The following IGF2R variants were observed in gnomAD, a reference collection of about 807,000 sequenced individuals.
The protein encoded by IGF2R is cation-independent mannose-6-phosphate receptor.
IGF2R carries 91 observed loss-of-function variants against 270.6 expected under a neutral mutation model. The ratio of observed to expected loss-of-function variants is 0.34; its 90% CI spans 0.28 to 0.40. The LOEUF is 0.40. IGF2R is among the 10% of genes least tolerant of loss of function. IGF2R has a pLI of 1.00. For missense variants in IGF2R, 2,805 were observed against 3,188.3 expected (o/e 0.88, Z 2.90); for synonymous variants, 1,316 against 1,258.9 (o/e 1.05, Z -0.96).
chr6:159,991,038 A>C (rs961977111), intron 1 of IGF2R, 146 bp from the exon 2 acceptor site: 1 of 690,566 alleles, frequency 1.4e-6, no homozygotes, highest in South Asian at 2.0e-5. Context: ...AACTTAACAT[A>C]CTTGACTTTT....
chr6:160,036,624 C>A (rs1777832292), intron 10 of IGF2R, among the ~76,000 whole-genome samples: 1 of 152,024 alleles, frequency 6.6e-6, no homozygotes, highest in African/African-American at 2.4e-5. Flanking sequence ...GAATCATTAT[C>A]CAAAAAGATC....
Position 160,073,851 on chromosome 6 carries a change from A to T in IGF2R, c.5042A>T (p.Asp1681Val). The part of the protein sequence containing the change: ...GGYEAYDESE[D>V]DASDTNPDFY... ...TATGAGGCTTATGATGAGAGTGAGG[A>T]TGATGCCTCCGATACCAACCCTGAT... The change falls in exon 35 of 48, where the codon GAT becomes GTT. Residue 1681 changes from aspartate to valine, a missense_variant. Transcript: ENST00000356956. 6.2e-7 allele frequency: 1 copy of T among 1,613,956 alleles called. No homozygotes were observed. The highest frequency in any genetic ancestry group is 8.5e-7 in the Non-Finnish European group (1 of 1,179,848).
chr6:159,984,521 C>A (rs553602275), intron 1 of IGF2R, among the ~76,000 whole-genome samples: 1 of 152,196 alleles, frequency 6.6e-6, no homozygotes, highest in Non-Finnish European at 1.5e-5. Context: ...TATACCATAT[C>A]TTTGCTGCAC....
intron 23 of IGF2R, 109 bp from the exon 24 acceptor site, chr6:160,061,394 T>C: frequency 1.0e-6 from 1 of 963,698 alleles, no homozygotes; most frequent in African/African-American, 1.6e-5. Context: ...TCCTCACAGT[T>C]AGGAATGCCA....
intron 22 of IGF2R, 133 bp downstream of exon 22, chr6:160,059,231 A>T: frequency 1.5e-6 from 1 of 680,902 alleles, no homozygotes; most frequent in Non-Finnish European, 2.4e-6. Context: ...TTGCTGCAGG[A>T]GCCATCACGG....
chr6:160,001,234 T>C (rs995867847), intron 2 of IGF2R, among the ~76,000 whole-genome samples: 4 of 152,094 alleles, frequency 2.6e-5, no homozygotes, highest in Non-Finnish European at 5.9e-5. Context: ...GTTAGATAAG[T>C]GGCAGCAGTA....
intron 2 of IGF2R, among the ~76,000 whole-genome samples, chr6:159,996,701 G>T (rs1408673516): frequency 2.0e-5 from 3 of 152,186 alleles, no homozygotes; most frequent in African/African-American, 7.2e-5. Flanking sequence ...AGGCTGCAGT[G>T]TAGTGAGTGC....
chr6:160,048,677 G>T (rs2115249789), intron 18 of IGF2R, 134 bp downstream of exon 18: 5 of 803,376 alleles, frequency 6.2e-6, no homozygotes, highest in Non-Finnish European at 9.7e-6. Flanking sequence ...TAGGAGTGGG[G>T]CCTCCATGTG....
At chr6:160,032,801 T>C (rs766738370) in intron 8 of IGF2R, 88 bp downstream of exon 8, 102 of 1,460,832 alleles carry the variant, frequency 7.0e-5, no homozygotes, top group Non-Finnish European at 9.3e-5. Context: ...AGTCAGTCCA[T>C]GCATGCTTCT....
chr6:160,080,015 G>A (rs1778943124), intron 38 of IGF2R, 114 bp from the exon 39 acceptor site: 2 of 1,290,740 alleles, frequency 1.5e-6, no homozygotes, highest in South Asian at 1.4e-5. Context: ...AATGCCGGTT[G>A]TCACGTAGGT....
intron 32 of IGF2R, 55 bp from the exon 33 acceptor site, chr6:160,072,710 T>C: frequency 1.2e-6 from 2 of 1,610,962 alleles, no homozygotes; most frequent in South Asian, 1.1e-5. Flanking sequence ...ATGATGAGCC[T>C]CCCAAGTCTC....
intron 1 of IGF2R, among the ~76,000 whole-genome samples, chr6:159,979,915 G>A (rs988187733): frequency 5.9e-5 from 9 of 152,192 alleles, no homozygotes; most frequent in Non-Finnish European, 7.4e-5. Flanking sequence ...CACATGGGCC[G>A]GTGCTGTGGC....
chr6:159,985,338 C>T (rs573445328), intron 1 of IGF2R, among the ~76,000 whole-genome samples: 5 of 152,316 alleles, frequency 3.3e-5, no homozygotes, highest in Non-Finnish European at 5.9e-5. Flanking sequence ...GGCCTCACAC[C>T]GCCTAGGTTA....
At chr6:160,034,573 G>T (rs1777772087) in intron 10 of IGF2R, 51 bp downstream of exon 10, 1 of 1,186,588 alleles carries the variant, frequency 8.4e-7, no homozygotes. Context: ...ATGGGCATGT[G>T]CTTGTGTGTG....
chr6:159,972,612 A>C (rs768391449), intron 1 of IGF2R, among the ~76,000 whole-genome samples: 2 of 152,222 alleles, frequency 1.3e-5, no homozygotes, highest in East Asian at 1.9e-4. Context: ...CAAGAGGGAC[A>C]TGAGGGCCTG....
chr6:160,097,000 G>T (rs1779376172), intron 45 of IGF2R, among the ~76,000 whole-genome samples: 1 of 152,182 alleles, frequency 6.6e-6, no homozygotes, highest in Admixed American at 6.5e-5. Context: ...TGCCTCCTCT[G>T]TGTAATCCTG....
chr6:160,011,133 C>G (rs1273517803), intron 4 of IGF2R, among the ~76,000 whole-genome samples: 2 of 152,194 alleles, frequency 1.3e-5, no homozygotes, highest in South Asian at 4.1e-4. Flanking sequence ...CAGGAGCCAT[C>G]TGTTTCTGAC....
Position 160,110,834 on chromosome 6 carries a change from C to A in IGF2R, c.*5750C>A, listed in dbSNP as rs930661030. On this transcript the variant is annotated 3_prime_UTR_variant, in exon 48 of 48. Transcript: ENST00000356956. ...TAAGCCAGACACAGAAAGAAAAATA[C>A]CAGATGATCTCACTTATATGTGGAA... 6.6e-6 allele frequency: 1 copy of A among 152,128 alleles called. No homozygotes were observed. Among genetic ancestry groups the A allele is most frequent in the Non-Finnish European group, 1.5e-5 (1 of 68,034 alleles). The allele number at this position is 152,128 out of a possible 1,614,324, so 9.4% of individuals were successfully genotyped here.
chr6:159,981,198 G>T (rs572943396), intron 1 of IGF2R, among the ~76,000 whole-genome samples: 1 of 152,364 alleles, frequency 6.6e-6, no homozygotes, highest in East Asian at 1.9e-4. Context: ...GGGCGGGCAG[G>T]CCAGAGTGGC....
Sources: allele counts gnomAD v4.1 joint callset (sites outside exome capture counted in the v4.1 genomes callset), GRCh38; gene constraint gnomAD v4.1.1; transcripts MANE v1.5; gene names NCBI Gene and HGNC (gene_info 2026-07-23, HGNC 2026-07-21).